The following CRMP1 variants were observed in gnomAD, a reference collection of about 807,000 sequenced individuals.
CRMP1 encodes the protein collapsin response mediator protein 1.
In CRMP1, 19 loss-of-function variants were observed where a neutral mutation model predicts 68.3. That is an observed-to-expected ratio of 0.28 (90% CI 0.19 to 0.41). The LOEUF is 0.41. Among genes scored for constraint, CRMP1 ranks in the 10% least tolerant of loss-of-function variants. The pLI is 1.00. For synonymous variants in CRMP1, 439 were observed against 399.6 expected, an observed-to-expected ratio of 1.10 and a Z score of -1.18; for missense variants, 791 against 967.4, an observed-to-expected ratio of 0.82 and a Z score of 2.42.
At position 5,825,398 on chromosome 4, in the gene CRMP1, G is replaced by C; in HGVS notation, c.1969+96C>G. 1.3e-6 allele frequency: 2 copies of C among 1,485,972 alleles called. No homozygotes were observed. Among genetic ancestry groups the C allele is most frequent in the Non-Finnish European group, 1.8e-6 (2 of 1,125,112 alleles). 92.0% of individuals were successfully genotyped at this position (1,485,972 alleles called of 1,614,324 possible). On this transcript the variant is annotated intron_variant, in intron 13 of 13. Coordinates refer to ENST00000324989, the MANE Select transcript of CRMP1 (RefSeq NM_001014809.3). The surrounding 1 kb of genome is among the most constrained non-coding windows in gnomAD (Gnocchi z 4.4). ...TCCCTTCCCTGCTTCTTCATCTAGT[G>C]TCCAAGGCCACGTGTCCATTTCCTC...
Position 5,854,399 on chromosome 4 carries a change from GT to G in CRMP1, c.820+1743del, listed in dbSNP as rs35551598. On this transcript the variant is annotated intron_variant, in intron 4 of 13. Transcript: ENST00000324989. This position sits in a 1 kb window ranked among gnomAD's most constrained non-coding sequence, Gnocchi z 4.0. ...GGCGTACACCACCACTCCTGGCTAT[GT>G]TTTTTTTTTTTTTTTTTTTTTTTTA... Among the ~76,000 whole-genome samples, 21,679 of 70,564 alleles carry G rather than the reference GT, an allele frequency of 0.31. 3,108 individuals are homozygous for G. The highest frequency in any genetic ancestry group is 0.38 in the Middle Eastern group (34 of 90). 46.3% of individuals were successfully genotyped at this position (70,564 alleles called of 152,430 possible). A position where few individuals can be genotyped will look rare whatever the true frequency, so the allele number is the denominator to read the frequency against.
Position 5,854,403 on chromosome 4 carries a change from T to G in CRMP1, c.820+1740A>C, listed in dbSNP as rs1265035331. 7.3e-6 allele frequency among the ~76,000 whole-genome samples: 1 copy of G among 136,214 alleles called. No homozygotes were observed. Among genetic ancestry groups the G allele is most frequent in the Non-Finnish European group, 1.6e-5 (1 of 64,310 alleles). 89.4% of individuals were successfully genotyped at this position (136,214 alleles called of 152,430 possible). A position where few individuals can be genotyped will look rare whatever the true frequency, so the allele number is the denominator to read the frequency against. ...TACACCACCACTCCTGGCTATGTTT[T>G]TTTTTTTTTTTTTTTTTTTTTAATA... On this transcript the variant is annotated intron_variant, in intron 4 of 13. Coordinates refer to ENST00000324989, the MANE Select transcript of CRMP1 (RefSeq NM_001014809.3). This position sits in a 1 kb window ranked among gnomAD's most constrained non-coding sequence, Gnocchi z 4.0.
intron 13 of CRMP1, among the ~76,000 whole-genome samples, chr4:5,823,846 G>C (rs577394368): frequency 1.1e-4 from 16 of 152,310 alleles, no homozygotes; most frequent in Middle Eastern, 3.4e-3. Flanking sequence ...AATGTAAATG[G>C]ACGAAAACAG....
Position 5,839,691 on chromosome 4 carries a change from A to T in CRMP1, c.1154-13T>A. 1 of 1,559,458 alleles carries T rather than the reference A, an allele frequency of 6.4e-7. No individual in the cohort carries two copies. The highest frequency in any genetic ancestry group is 8.6e-7 in the Non-Finnish European group (1 of 1,162,730). ...AAAACTAGGGGCCCTTAGGAGGGGA[A>T]AACATAAGCCTGGTTAAAAGCAAAT... On this transcript the variant is annotated splice_polypyrimidine_tract_variant and intron_variant, in intron 8 of 13. Coordinates refer to ENST00000324989, the MANE Select transcript of CRMP1 (RefSeq NM_001014809.3).
At chr4:5,886,834 T>C (rs1024994138) in intron 1 of CRMP1, among the ~76,000 whole-genome samples, 2 of 152,222 alleles carry the variant, frequency 1.3e-5, no homozygotes, top group African/African-American at 4.8e-5. Context: ...GTTCTAGTGA[T>C]TCTTGACCAA....
rs1315998029 is a variant in CRMP1, at chr4:5,855,848, A to G, written c.820+295T>C. On this transcript the variant is annotated intron_variant, in intron 4 of 13. Coordinates refer to ENST00000324989, the MANE Select transcript of CRMP1 (RefSeq NM_001014809.3). The surrounding 1 kb of genome is among the most constrained non-coding windows in gnomAD (Gnocchi z 4.9). Reference sequence around the variant, plus strand: ...CAGTTTCAGGGATGGCAGCCAGGCTAGTGATCCGGGTGATGGAAAAGAAAA... The same window carrying G: ...CAGTTTCAGGGATGGCAGCCAGGCTGGTGATCCGGGTGATGGAAAAGAAAA... Among the ~76,000 whole-genome samples the G allele has an allele frequency of 6.6e-6, 1 of 152,230 alleles. No homozygotes were observed. Among genetic ancestry groups the G allele is most frequent in the East Asian group, 1.9e-4 (1 of 5,196 alleles).
Position 5,866,709 on chromosome 4 carries a change from T to C in CRMP1, c.429A>G (p.Gln143=), listed in dbSNP as rs777215799. 2.4e-5 allele frequency: 39 copies of C among 1,613,154 alleles called. No individual in the cohort carries two copies. The African/African-American group carries it at 2.9e-4, about 12-fold the overall frequency. ...CCAGGTAGACGTCAGCATAAAGGGA[T>C]TGGTCATCGTTGATGATCCGTCCAC... ...IKGGRIINDD[Q]SLYADVYLED... The change falls in exon 2 of 14, where the codon CAA becomes CAG. Residue 143 remains glutamine, a synonymous_variant. Coordinates refer to ENST00000324989, the MANE Select transcript of CRMP1 (RefSeq NM_001014809.3). The surrounding 1 kb of genome is among the most constrained non-coding windows in gnomAD (Gnocchi z 5.9).
chr4:5,862,731 C>T (rs1337344611), intron 2 of CRMP1, among the ~76,000 whole-genome samples: 1 of 152,216 alleles, frequency 6.6e-6, no homozygotes, highest in African/African-American at 2.4e-5. Context: ...TGAGTGTCAG[C>T]GGAATCACAG....
intron 1 of CRMP1, among the ~76,000 whole-genome samples, chr4:5,868,899 G>A (rs566676429): frequency 6.6e-6 from 1 of 152,210 alleles, no homozygotes; most frequent in Non-Finnish European, 1.5e-5. Flanking sequence ...TTCTTTGCAC[G>A]AAAACACTAA....
intron 1 of CRMP1, among the ~76,000 whole-genome samples, chr4:5,884,584 C>A (rs1577849650): frequency 6.6e-6 from 1 of 152,022 alleles, no homozygotes; most frequent in African/African-American, 2.4e-5. Flanking sequence ...CAATGAAGAA[C>A]CTTTACAAGC....
intron 13 of CRMP1, among the ~76,000 whole-genome samples, chr4:5,822,449 C>T (rs1577712475): frequency 1.3e-5 from 2 of 151,260 alleles, no homozygotes; most frequent in African/African-American, 2.4e-5. Flanking sequence ...ATGTGAACTC[C>T]GCAAGCTGGA....
rs1415538927 is a variant in CRMP1 at position 5,861,620 on chromosome 4, G to C, written c.471-410C>G. ...CTCCAGGAGGTTAAATTCCAAATGG[G>C]GAAGGAGGGAAAAGAGCCTACGAAA... is the stretch of plus-strand genomic sequence containing the variant. On this transcript the variant is annotated intron_variant, in intron 2 of 13. Transcript: ENST00000324989. This position sits in a 1 kb window ranked among gnomAD's most constrained non-coding sequence, Gnocchi z 6.0. Among the ~76,000 whole-genome samples, 1 of 152,150 alleles carries C rather than the reference G, an allele frequency of 6.6e-6. No individual in the cohort carries two copies. The highest frequency in any genetic ancestry group is 1.5e-5 in the Non-Finnish European group (1 of 68,036).
rs1320838375 is a variant in CRMP1, at chr4:5,850,851, GAAC to G, written c.882+554_882+556del. ...GTAAGTCGTAACCACTCCTCCTGAAGAACAACTTGCGGCTCCATATCCCTTGAC... is the reference window on the plus strand; with the variant it reads ...GTAAGTCGTAACCACTCCTCCTGAAGAACTTGCGGCTCCATATCCCTTGAC... On this transcript the variant is annotated intron_variant, in intron 5 of 13. Coordinates refer to ENST00000324989, the MANE Select transcript of CRMP1 (RefSeq NM_001014809.3). This position sits in a 1 kb window ranked among gnomAD's most constrained non-coding sequence, Gnocchi z 4.4. 6.6e-6 allele frequency among the ~76,000 whole-genome samples: 1 copy of G among 152,216 alleles called. No individual in the cohort carries two copies. The highest frequency in any genetic ancestry group is 2.4e-5 in the African/African-American group (1 of 41,470).
chr4:5,890,393 C>G lies in CRMP1; in HGVS notation c.381+2196G>C, dbSNP rs1454285387. The stretch of plus-strand genomic sequence containing the variant: ...TCCTTGCGCCTGCGCCGCAGAAACC[C>G]CTCCTGCAGCCCAGGGAGAAGCCTG... On this transcript the variant is annotated intron_variant, in intron 1 of 13. Transcript: ENST00000324989. The surrounding 1 kb of genome is among the most constrained non-coding windows in gnomAD (Gnocchi z 5.5). Among the ~76,000 whole-genome samples, 1 of 152,228 alleles carries G rather than the reference C, an allele frequency of 6.6e-6. No individual in the cohort carries two copies. Among genetic ancestry groups the G allele is most frequent in the Non-Finnish European group, 1.5e-5 (1 of 68,036 alleles).
intron 11 of CRMP1, among the ~76,000 whole-genome samples, chr4:5,830,124 A>G (rs555219267): frequency 6.6e-6 from 1 of 152,286 alleles, no homozygotes; most frequent in African/African-American, 2.4e-5. Flanking sequence ...AAATCAACAC[A>G]TGCCATTTCT....
intron 1 of CRMP1, among the ~76,000 whole-genome samples, chr4:5,884,543 C>A (rs971655622): frequency 1.3e-5 from 2 of 151,896 alleles, no homozygotes; most frequent in African/African-American, 4.8e-5. Flanking sequence ...ATCCTCCCTG[C>A]TTGAATGCAA....
chr4:5,841,243 G>C lies in CRMP1; in HGVS notation c.1153+65C>G, dbSNP rs577502977. ...TCTGAGTTCGGGAGGGAGTGAACTT[G>C]AACCTGCAGGACACCCCCTTCCAGG... On this transcript the variant is annotated intron_variant, in intron 8 of 13. Transcript: ENST00000324989. The surrounding 1 kb of genome is among the most constrained non-coding windows in gnomAD (Gnocchi z 6.9). 1.2e-6 allele frequency: 2 copies of C among 1,612,562 alleles called. No individual in the cohort carries two copies. Among genetic ancestry groups the C allele is most frequent in the African/African-American group, 2.7e-5 (2 of 74,974 alleles).
At chr4:5,887,645 G>T in intron 1 of CRMP1, 1 of 985,538 alleles carries the variant, frequency 1.0e-6, no homozygotes, top group Non-Finnish European at 1.2e-6. Context: ...AGCCGCCAGC[G>T]TCGCCCCATT....
rs1715892999 is a variant in CRMP1, at chr4:5,890,483, G to A, written c.381+2106C>T. Among the ~76,000 whole-genome samples the A allele has an allele frequency of 1.3e-5, 2 of 152,248 alleles. No homozygotes were observed. The highest frequency in any genetic ancestry group is 4.1e-4 in the South Asian group (2 of 4,832). On this transcript the variant is annotated intron_variant, in intron 1 of 13. Transcript: ENST00000324989. This position sits in a 1 kb window ranked among gnomAD's most constrained non-coding sequence, Gnocchi z 5.5. ...CCCTGGAGCGGTGAGGCCCGCCCCG[G>A]AACCCGAGCCCACTGTAACCCAAGC...
Sources: allele counts gnomAD v4.1 joint callset (sites outside exome capture counted in the v4.1 genomes callset), GRCh38; gene constraint gnomAD v4.1.1; non-coding constraint Gnocchi (gnomAD v3.1); transcripts MANE v1.5; gene names NCBI Gene and HGNC (gene_info 2026-07-23, HGNC 2026-07-21).